SLC44A5: variants seen among roughly 807,000 people sequenced by gnomAD.
SLC44A5 encodes the protein choline transporter-like protein 5.
A neutral mutation model predicts 101.8 loss-of-function variants in SLC44A5; 57 were observed. The ratio of observed to expected loss-of-function variants is 0.56; its 90% confidence interval spans 0.45 to 0.70. The LOEUF (loss-of-function observed/expected upper bound fraction) is 0.70, where lower values mean the gene tolerates loss of function less well. Among genes scored for constraint, SLC44A5 ranks in the 30% least tolerant of loss-of-function variants. SLC44A5 has a pLI of 0.00. For synonymous variants in SLC44A5, 281 were observed against 290.9 expected (o/e 0.97, Z 0.35); for missense variants, 737 against 853.1 (o/e 0.86, Z 1.70).
chr1:75,306,939 C>T (rs945581229), intron 4 of SLC44A5, among the ~76,000 whole-genome samples: 1 of 151,696 alleles, frequency 6.6e-6, no homozygotes, highest in Non-Finnish European at 1.5e-5. Context: ...GGGGTTTCAC[C>T]GTGTTAGCCA....
the SLC44A5 span, among the ~76,000 whole-genome samples, chr1:75,696,743 GA>G: frequency 1.8e-4 from 24 of 135,286 alleles, no homozygotes; most frequent in African/African-American, 2.7e-4. Context: ...AAAATTGAAA[GA>G]AAAAAAAAAT....
At chr1:75,295,144 C>A (rs1197069307) in intron 5 of SLC44A5, among the ~76,000 whole-genome samples, 1 of 152,054 alleles carries the variant, frequency 6.6e-6, no homozygotes, top group Non-Finnish European at 1.5e-5. Flanking sequence ...AGGTTGTACA[C>A]CTTAAATATA....
the SLC44A5 span, among the ~76,000 whole-genome samples, chr1:75,629,608 A>T: frequency 6.6e-6 from 1 of 152,202 alleles, no homozygotes; most frequent in Non-Finnish European, 1.5e-5. Context: ...ACACTATAGC[A>T]CAGCGAAGAG....
chr1:75,220,904 G>A (rs1188198633), intron 14 of SLC44A5, among the ~76,000 whole-genome samples: 1 of 152,128 alleles, frequency 6.6e-6, no homozygotes, highest in Non-Finnish European at 1.5e-5. Flanking sequence ...GGTTTACCCT[G>A]TATTCTCACA....
At chr1:75,618,922 T>G in the SLC44A5 span, among the ~76,000 whole-genome samples, 1 of 151,592 alleles carries the variant, frequency 6.6e-6, no homozygotes, top group Non-Finnish European at 1.5e-5. Context: ...ATACAAAAAT[T>G]AGCTGGGTGT....
chr1:75,653,619 C>A, the SLC44A5 span, among the ~76,000 whole-genome samples: 1 of 151,970 alleles, frequency 6.6e-6, no homozygotes, highest in Non-Finnish European at 1.5e-5. Context: ...AATCAACAGC[C>A]CACACTGATT....
At chr1:75,363,370 GTTTC>G (rs1404596816) in intron 3 of SLC44A5, among the ~76,000 whole-genome samples, 1 of 151,746 alleles carries the variant, frequency 6.6e-6, no homozygotes, top group Non-Finnish European at 1.5e-5. Flanking sequence ...TAGATTCTTT[GTTTC>G]TTTCTTGTCT....
intron 2 of SLC44A5, among the ~76,000 whole-genome samples, chr1:75,499,714 A>G (rs1296580864): frequency 6.6e-6 from 1 of 152,166 alleles, no homozygotes; most frequent in African/African-American, 2.4e-5. Context: ...CAGGGCAGGA[A>G]TATTTTTCAA....
intron 1 of SLC44A5, among the ~76,000 whole-genome samples, chr1:75,587,930 C>T (rs915481515): frequency 1.3e-5 from 2 of 152,132 alleles, no homozygotes; most frequent in African/African-American, 4.8e-5. Flanking sequence ...TCTCTGTTTC[C>T]TTGCTGTGAA....
rs115948802 is a variant in SLC44A5, at chr1:75,437,700, C to G, written c.14-41079G>C. Among the ~76,000 whole-genome samples the G allele has an allele frequency of 4.4e-3, 677 of 152,194 alleles. 6 individuals are homozygous for G. The highest frequency in any genetic ancestry group is 0.016 in the African/African-American group (657 of 41,534). ...GATAAAGCAGGATGGTACAAAAACA[C>G]CAGAATGATTAGCATCATCTCCAAC... On this transcript the variant is annotated intron_variant, in intron 2 of 23. Transcript: ENST00000370859.
At chr1:75,310,820 G>A (rs1018020591) in intron 4 of SLC44A5, among the ~76,000 whole-genome samples, 12 of 152,002 alleles carry the variant, frequency 7.9e-5, no homozygotes, top group East Asian at 3.9e-4. Flanking sequence ...CCATGTTCTA[G>A]AGCTGATATC....
upstream of SLC44A5, chr1:75,615,782 C>T (rs1015271921): frequency 3.4e-5 from 30 of 892,084 alleles, no homozygotes; most frequent in Non-Finnish European, 3.9e-5. Context: ...TGGATGTAAA[C>T]AGGCCGGCCC....
intron 3 of SLC44A5, among the ~76,000 whole-genome samples, chr1:75,346,347 T>G (rs1398696752): frequency 3.3e-5 from 5 of 152,138 alleles, no homozygotes; most frequent in African/African-American, 9.7e-5. Context: ...GCATCATCAT[T>G]TGAAATAATT....
At chr1:75,534,925 C>G (rs1180806545) in intron 2 of SLC44A5, among the ~76,000 whole-genome samples, 2 of 152,106 alleles carry the variant, frequency 1.3e-5, no homozygotes, top group Admixed American at 6.5e-5. Context: ...TTTTCTGGAG[C>G]CTCTCTCTGA....
chr1:75,615,436 T>TACACACACACACAC (rs56337760), upstream of SLC44A5, among the ~76,000 whole-genome samples: 63 of 133,578 alleles, frequency 4.7e-4, no homozygotes, highest in African/African-American at 1.0e-3. Flanking sequence ...CACACATACA[T>TACACACACACACAC]ACACACACAC....
intron 2 of SLC44A5, among the ~76,000 whole-genome samples, chr1:75,518,315 A>C (rs79461599): frequency 0.012 from 1,763 of 152,348 alleles, 35 homozygotes; most frequent in African/African-American, 0.041. Flanking sequence ...ATACAGTTCC[A>C]ATTATTTATA....
At chr1:75,529,225 G>T (rs1379070575) in intron 2 of SLC44A5, among the ~76,000 whole-genome samples, 1 of 152,164 alleles carries the variant, frequency 6.6e-6, no homozygotes, top group Non-Finnish European at 1.5e-5. Flanking sequence ...TGCAATTCTT[G>T]TTGAAAATCT....
chr1:75,652,984 G>A, the SLC44A5 span, among the ~76,000 whole-genome samples: 1 of 152,110 alleles, frequency 6.6e-6, no homozygotes, highest in Non-Finnish European at 1.5e-5. Flanking sequence ...ATTTATAAAA[G>A]TATATGTTGT....
chr1:75,618,398 C>T, the SLC44A5 span, among the ~76,000 whole-genome samples: 1 of 152,204 alleles, frequency 6.6e-6, no homozygotes, highest in Non-Finnish European at 1.5e-5. Context: ...ACTACCCAGG[C>T]CCTGGATTTC....
Sources: allele counts gnomAD v4.1 joint callset (sites outside exome capture counted in the v4.1 genomes callset), GRCh38; gene constraint gnomAD v4.1.1; transcripts MANE v1.5; gene names NCBI Gene and HGNC (gene_info 2026-07-23, HGNC 2026-07-21).